COL22A1: variants seen among roughly 807,000 people sequenced by gnomAD.
COL22A1 encodes collagen type XXII alpha 1 chain.
Under a neutral mutation model 248.9 loss-of-function variants are expected in COL22A1, and 221 were observed. That is an observed-to-expected ratio of 0.89 (90% CI 0.80 to 0.99). The LOEUF is 0.99. Among genes scored for constraint, COL22A1 ranks in the 50% least tolerant of loss-of-function variants. COL22A1 has a pLI of 0.00. For synonymous variants in COL22A1, 891 were observed against 793.4 expected (o/e 1.12, Z -2.07); for missense variants, 2,240 against 2,179.0 (o/e 1.03, Z -0.56).
chr8:138,722,871 C>T (rs192254957), intron 25 of COL22A1, among the ~76,000 whole-genome samples: 2 of 33,546 alleles, frequency 6.0e-5, no homozygotes, highest in African/African-American at 8.6e-5. Flanking sequence ...TGGTGGAAAA[C>T]ACACCCTGGG....
intron 22 of COL22A1, among the ~76,000 whole-genome samples, chr8:138,748,396 T>A (rs374845384): frequency 1.3e-5 from 2 of 152,200 alleles, no homozygotes; most frequent in Non-Finnish European, 2.9e-5. Context: ...GAAGTCAACA[T>A]GAGCTTTCTG....
At chr8:138,746,996 G>A (rs1832168848) in intron 22 of COL22A1, among the ~76,000 whole-genome samples, 1 of 152,206 alleles carries the variant, frequency 6.6e-6, no homozygotes, top group African/African-American at 2.4e-5. Flanking sequence ...GAGCAACCAC[G>A]ACCAGAAATG....
rs140598961 is a variant in COL22A1 at position 138,790,935 on chromosome 8, C to T, written c.1596+5884G>A. On this transcript the variant is annotated intron_variant, in intron 12 of 64. Transcript: ENST00000303045. Reference sequence around the variant, plus strand: ...CCCCATTTGCTGTCCCTGCCTAGCCCCCCAGCACCATGCTGGGTCCTCAGC... The same window carrying T: ...CCCCATTTGCTGTCCCTGCCTAGCCTCCCAGCACCATGCTGGGTCCTCAGC... 2.6e-5 allele frequency among the ~76,000 whole-genome samples: 4 copies of T among 152,278 alleles called. No homozygotes were observed. The East Asian group carries it at 7.7e-4, about 29-fold the overall frequency.
At chr8:138,630,385 C>T (rs577859087) in intron 50 of COL22A1, among the ~76,000 whole-genome samples, 101 of 152,336 alleles carry the variant, frequency 6.6e-4, no homozygotes, top group African/African-American at 2.3e-3. Context: ...ATAGAAACCA[C>T]ACTGACAAGA....
chr8:138,839,296 G>A (rs1446261654), intron 4 of COL22A1, among the ~76,000 whole-genome samples: 1 of 152,086 alleles, frequency 6.6e-6, no homozygotes, highest in Non-Finnish European at 1.5e-5. Flanking sequence ...GGGATGTCAG[G>A]ACCCACGGCG....
intron 40 of COL22A1, among the ~76,000 whole-genome samples, chr8:138,679,397 T>A (rs1423077756): frequency 6.6e-6 from 1 of 152,200 alleles, no homozygotes; most frequent in Non-Finnish European, 1.5e-5. Flanking sequence ...CTAAGTCATG[T>A]CAACAACCTA....
intron 41 of COL22A1, among the ~76,000 whole-genome samples, chr8:138,669,340 A>C (rs920114624): frequency 6.6e-6 from 1 of 152,184 alleles, no homozygotes; most frequent in Non-Finnish European, 1.5e-5. Flanking sequence ...GGGTCTGATA[A>C]GGAGGCAGAG....
At chr8:138,733,381 C>A (rs770036216) in intron 23 of COL22A1, among the ~76,000 whole-genome samples, 2 of 152,208 alleles carry the variant, frequency 1.3e-5, no homozygotes, top group Non-Finnish European at 2.9e-5. Flanking sequence ...ATCCCAGCCA[C>A]CCTGGGGCTT....
At chr8:138,715,656 T>C (rs1829374424) in intron 30 of COL22A1, 26 bp downstream of exon 30, 5 of 1,578,266 alleles carry the variant, frequency 3.2e-6, no homozygotes, top group Non-Finnish European at 4.3e-6. Flanking sequence ...TAATTGATGG[T>C]CAGAATGAGA....
rs544324909 is a variant in COL22A1 at position 138,664,208 on chromosome 8, C to T, written c.3151-468G>A. Among the ~76,000 whole-genome samples, 344 of 79,394 alleles carry T rather than the reference C, an allele frequency of 4.3e-3. 4 individuals carry two copies. The highest frequency in any genetic ancestry group is 0.016 in the African/African-American group (327 of 20,428). 52.1% of individuals were successfully genotyped at this position (79,394 alleles called of 152,430 possible). ...CCAACAAGGGGTGCGCGCGCGCGCG[C>T]GCACACACACACACACACACACACA... On this transcript the variant is annotated intron_variant, in intron 41 of 64. Coordinates refer to ENST00000303045, the MANE Select transcript of COL22A1 (RefSeq NM_152888.3).
At chr8:138,728,229 T>C (rs146585295) in intron 23 of COL22A1, among the ~76,000 whole-genome samples, 53 of 152,054 alleles carry the variant, frequency 3.5e-4, no homozygotes, top group African/African-American at 1.2e-3. Flanking sequence ...AGGGACTTGC[T>C]ATATTGCACA....
intron 41 of COL22A1, among the ~76,000 whole-genome samples, chr8:138,665,303 T>G (rs143349017): frequency 5.3e-5 from 8 of 152,300 alleles, no homozygotes; most frequent in African/African-American, 1.9e-4. Flanking sequence ...ATCAGTAAGT[T>G]GAAACTCAGA....
chr8:138,701,708 G>C (rs939536041), intron 31 of COL22A1, among the ~76,000 whole-genome samples: 3 of 152,224 alleles, frequency 2.0e-5, no homozygotes, highest in Non-Finnish European at 4.4e-5. Flanking sequence ...TTATGGATAA[G>C]AAAATTGGAG....
chr8:138,801,345 T>G (rs1816980731), intron 11 of COL22A1, among the ~76,000 whole-genome samples: 1 of 152,234 alleles, frequency 6.6e-6, no homozygotes, highest in African/African-American at 2.4e-5. Context: ...GGAGCAAAGG[T>G]TAGACTCCAT....
At position 138,660,438 on chromosome 8, in the gene COL22A1, G is replaced by A. The variant is rs369701678; in HGVS notation, c.3283C>T (p.Pro1095Ser). 1.9e-6 allele frequency: 3 copies of A among 1,612,902 alleles called. No homozygotes were observed. Among genetic ancestry groups the A allele is most frequent in the Non-Finnish European group, 2.5e-6 (3 of 1,178,866 alleles). ...TCCAGAACCATAAGATGACATACCG[G>A]CTTGCCAGGAGGCCCTCTTTCTCCT... ...NPGERGPPGK[P>S]GLSSLLSPGD... is the part of the protein sequence containing the mutation. The change falls in exon 44 of 65, where the codon CCG becomes TCG. Residue 1095 changes from proline to serine, a missense_variant and splice_region_variant. By Grantham distance (74) the Pro-to-Ser change is moderately conservative. Coordinates refer to ENST00000303045, the MANE Select transcript of COL22A1 (RefSeq NM_152888.3).
chr8:138,668,062 C>T (rs1221797126), intron 41 of COL22A1, among the ~76,000 whole-genome samples: 1 of 151,284 alleles, frequency 6.6e-6, no homozygotes. Context: ...CTTAAAGAAA[C>T]AAACAAAAAA....
intron 32 of COL22A1, among the ~76,000 whole-genome samples, chr8:138,697,497 A>T (rs551800149): frequency 6.6e-6 from 1 of 152,260 alleles, no homozygotes; most frequent in East Asian, 1.9e-4. Context: ...AAAGGTTCTG[A>T]CATCTGCAGA....
At chr8:138,638,558 T>C (rs1157759362) in intron 47 of COL22A1, among the ~76,000 whole-genome samples, 3 of 152,002 alleles carry the variant, frequency 2.0e-5, no homozygotes, top group Admixed American at 2.0e-4. Context: ...TAATCCCCCC[T>C]CTCTCTCTGT....
intron 3 of COL22A1, among the ~76,000 whole-genome samples, chr8:138,873,909 CCT>C (rs1294167755): frequency 6.6e-6 from 1 of 152,036 alleles, no homozygotes; most frequent in African/African-American, 2.4e-5. Flanking sequence ...CAAAAAAAAC[CCT>C]GATATTTTTA....
Sources: gnomAD v4.1 joint callset for allele counts (sites outside exome capture counted in the v4.1 genomes callset) on GRCh38, gnomAD v4.1.1 for gene constraint, MANE v1.5 for transcripts, NCBI Gene and HGNC (gene_info 2026-07-23, HGNC 2026-07-21) for gene names.